GPM6A: variants seen among roughly 807,000 people sequenced by gnomAD.
The protein encoded by GPM6A is neuronal membrane glycoprotein M6-a.
In GPM6A, 7 loss-of-function variants were observed where a neutral mutation model predicts 32.1. The ratio of observed to expected loss-of-function variants is 0.22; its 90% CI spans 0.12 to 0.41. The LOEUF (loss-of-function observed/expected upper bound fraction) is 0.41, where lower values mean the gene tolerates loss of function less well. GPM6A is among the 10% of genes least tolerant of loss of function. The probability of loss-of-function intolerance (pLI) is 1.00; values close to 1 mark genes in which losing one functional copy is unlikely to be tolerated. For synonymous variants in GPM6A, 130 were observed against 123.4 expected (o/e 1.05, Z -0.35); for missense variants, 235 against 347.2 (o/e 0.68, Z 2.57).
chr4:175,720,932 T>C (rs1746083831), intron 1 of GPM6A, among the ~76,000 whole-genome samples: 2 of 151,408 alleles, frequency 1.3e-5, no homozygotes, highest in East Asian at 1.9e-4. Context: ...GAAAAGACTA[T>C]AGAGAAAGTA....
intron 1 of GPM6A, among the ~76,000 whole-genome samples, chr4:175,906,308 G>A (rs1164154442): frequency 6.6e-6 from 1 of 152,136 alleles, no homozygotes. Flanking sequence ...GATTCATGAT[G>A]TCAAGGGGAG....
At chr4:175,918,501 T>C (rs1236393601) in intron 1 of GPM6A, among the ~76,000 whole-genome samples, 1 of 147,584 alleles carries the variant, frequency 6.8e-6, no homozygotes, top group East Asian at 2.0e-4. Flanking sequence ...GTTCCTGTCC[T>C]TAACAACAAA....
At chr4:175,939,734 T>C (rs1284297297) in intron 1 of GPM6A, among the ~76,000 whole-genome samples, 1 of 152,150 alleles carries the variant, frequency 6.6e-6, no homozygotes, top group Non-Finnish European at 1.5e-5. Context: ...TGAATGTATA[T>C]GGTGACCTAG....
At chr4:175,812,118 G>A (rs925074973) in intron 1 of GPM6A, 73 bp downstream of exon 1, 10 of 1,112,090 alleles carry the variant, frequency 9.0e-6, no homozygotes, top group Non-Finnish European at 1.2e-5. Flanking sequence ...AGCCTTACTG[G>A]CAAGTGTCTA....
intron 1 of GPM6A, among the ~76,000 whole-genome samples, chr4:175,851,100 T>C (rs1736239121): frequency 6.6e-6 from 1 of 152,150 alleles, no homozygotes; most frequent in Non-Finnish European, 1.5e-5. Flanking sequence ...GGCTCATGCC[T>C]GTAATCCCAG....
intron 1 of GPM6A, among the ~76,000 whole-genome samples, chr4:175,775,382 C>T (rs574676178): frequency 1.3e-5 from 2 of 152,098 alleles, no homozygotes; most frequent in African/African-American, 4.8e-5. Flanking sequence ...ATAAAAAGAA[C>T]GTTTCTATAG....
intron 1 of GPM6A, among the ~76,000 whole-genome samples, chr4:175,898,625 A>G (rs35919453): frequency 0.054 from 8,165 of 152,144 alleles, 306 homozygotes; most frequent in Non-Finnish European, 0.087. Flanking sequence ...CATTCTGAGA[A>G]CCCCTTGGGA....
At chr4:175,817,744 G>A (rs1431135445) in intron 1 of GPM6A, among the ~76,000 whole-genome samples, 1 of 152,224 alleles carries the variant, frequency 6.6e-6, no homozygotes, top group Non-Finnish European at 1.5e-5. Flanking sequence ...ATACTCTGCT[G>A]AGAACATGTA....
chr4:175,959,141 A>G (rs1277188248), intron 1 of GPM6A, among the ~76,000 whole-genome samples: 1 of 152,174 alleles, frequency 6.6e-6, no homozygotes, highest in African/African-American at 2.4e-5. Flanking sequence ...AAAAACAGAG[A>G]TTTTGCCAAG....
intron 1 of GPM6A, among the ~76,000 whole-genome samples, chr4:175,797,996 C>A (rs1734304089): frequency 6.6e-6 from 1 of 152,120 alleles, no homozygotes; most frequent in Non-Finnish European, 1.5e-5. Flanking sequence ...AATGCAGATT[C>A]CTGGGCCCCA....
At chr4:175,755,901 A>G (rs1353550323) in intron 1 of GPM6A, among the ~76,000 whole-genome samples, 2 of 152,188 alleles carry the variant, frequency 1.3e-5, no homozygotes, top group African/African-American at 4.8e-5. Context: ...AGTCATAGTC[A>G]TTGACATCAC....
chr4:175,747,072 C>A (rs1015704743), intron 1 of GPM6A, among the ~76,000 whole-genome samples: 11 of 151,970 alleles, frequency 7.2e-5, no homozygotes, highest in Non-Finnish European at 1.6e-4. Context: ...GAGGTCGAGA[C>A]CATCCTGGCC....
At chr4:175,861,736 A>G (rs1276203953) in intron 1 of GPM6A, among the ~76,000 whole-genome samples, 2 of 141,052 alleles carry the variant, frequency 1.4e-5, no homozygotes, top group Non-Finnish European at 3.1e-5. Flanking sequence ...GGTGAGAGAG[A>G]GAAAGAGACT....
intron 4 of GPM6A, among the ~76,000 whole-genome samples, chr4:175,650,849 C>T (rs1741763536): frequency 6.6e-6 from 1 of 152,040 alleles, no homozygotes; most frequent in African/African-American, 2.4e-5. Context: ...GCTCAGTGTC[C>T]CCAGGTGTTA....
intron 1 of GPM6A, among the ~76,000 whole-genome samples, chr4:175,765,073 T>A (rs2111218976): frequency 6.6e-6 from 1 of 152,036 alleles, no homozygotes; most frequent in Non-Finnish European, 1.5e-5. Flanking sequence ...GTGTTTTTTC[T>A]ATGTTGGCCA....
At chr4:175,930,476 T>A (rs188106594) in intron 1 of GPM6A, among the ~76,000 whole-genome samples, 1 of 151,694 alleles carries the variant, frequency 6.6e-6, no homozygotes, top group Non-Finnish European at 1.5e-5. Flanking sequence ...CATGAACTCA[T>A]CTTTCTAAGG....
At chr4:175,955,770 A>G (rs1739965883) in intron 1 of GPM6A, among the ~76,000 whole-genome samples, 1 of 152,114 alleles carries the variant, frequency 6.6e-6, no homozygotes, top group Admixed American at 6.5e-5. Context: ...CAATCACTGT[A>G]ATGAGTAAAC....
intron 1 of GPM6A, among the ~76,000 whole-genome samples, chr4:175,860,225 G>A (rs1267962319): frequency 6.6e-6 from 1 of 150,954 alleles, no homozygotes; most frequent in African/African-American, 2.4e-5. Flanking sequence ...TGAAAAGAGT[G>A]AAACAATAGA....
intron 1 of GPM6A, among the ~76,000 whole-genome samples, chr4:175,702,495 G>A (rs1027125978): frequency 6.6e-6 from 1 of 152,058 alleles, no homozygotes; most frequent in African/African-American, 2.4e-5. Flanking sequence ...TTAGTATGTT[G>A]TGAAGTTAAC....
Sources: gnomAD v4.1 joint callset for allele counts (sites outside exome capture counted in the v4.1 genomes callset) on GRCh38, gnomAD v4.1.1 for gene constraint, MANE v1.5 for transcripts, NCBI Gene and HGNC (gene_info 2026-07-23, HGNC 2026-07-21) for gene names.